Variants in ITCH observed in about 807,000 individuals in gnomAD.
ITCH encodes the protein E3 ubiquitin-protein ligase Itchy homolog.
A neutral mutation model predicts 126.8 loss-of-function variants in ITCH; 28 were observed. The ratio of observed to expected loss-of-function variants is 0.22; its 90% CI spans 0.16 to 0.30. The LOEUF is 0.30. ITCH is among the 10% of genes least tolerant of loss of function. ITCH has a pLI of 1.00. For missense variants in ITCH, 631 were observed against 1,032.4 expected (o/e 0.61, Z 5.33); for synonymous variants, 342 against 340.0 (o/e 1.01, Z -0.06).
intron 3 of ITCH, among the ~76,000 whole-genome samples, chr20:34,394,481 A>T (rs1345451717): frequency 1.3e-5 from 2 of 152,126 alleles, no homozygotes; most frequent in Admixed American, 6.6e-5. Flanking sequence ...TTATTTACTT[A>T]TAACAATGAC....
chr20:34,386,854 G>A (rs1268676134), intron 2 of ITCH, among the ~76,000 whole-genome samples: 1 of 152,106 alleles, frequency 6.6e-6, no homozygotes, highest in Non-Finnish European at 1.5e-5. Context: ...ATCTTCTGAA[G>A]TATGTCTATC....
chr20:34,506,202 G>A (rs752560654), intron 24 of ITCH, among the ~76,000 whole-genome samples: 1 of 152,164 alleles, frequency 6.6e-6, no homozygotes. Flanking sequence ...TAGCTGGGAC[G>A]ACAGGCATGT....
At position 34,386,095 on chromosome 20, in the gene ITCH, G is replaced by GTTTTTTTTTTTGT. The variant is rs542126572; in HGVS notation, c.-21-7692_-21-7680dup. 4.2e-3 allele frequency among the ~76,000 whole-genome samples: 610 copies of GTTTTTTTTTTTGT among 144,724 alleles called. 3 individuals are homozygous for GTTTTTTTTTTTGT. Among genetic ancestry groups the GTTTTTTTTTTTGT allele is most frequent in the African/African-American group, 0.015 (575 of 39,422 alleles). The allele number at this position is 144,724 out of a possible 152,430, so 94.9% of individuals were successfully genotyped here. On this transcript the variant is annotated intron_variant, in intron 2 of 24. Coordinates refer to ENST00000374864, the MANE Select transcript of ITCH (RefSeq NM_031483.7). ...CCCATGCACCAAAGTCGGCTCCTTT[G>GTTTTTTTTTTTGT]TTTTTTTTTTTGTTTTGTTTTGTTT...
chr20:34,408,622 T>C (rs2146145657), intron 3 of ITCH, 29 bp from the exon 4 acceptor site: 1 of 1,583,008 alleles, frequency 6.3e-7, no homozygotes, highest in East Asian at 2.2e-5. Flanking sequence ...ATCTCAACTA[T>C]TGAAATGTTT....
chr20:34,505,926 T>C (rs1990594027), intron 24 of ITCH, among the ~76,000 whole-genome samples: 1 of 152,224 alleles, frequency 6.6e-6, no homozygotes, highest in Admixed American at 6.5e-5. Context: ...GTCTAGCATA[T>C]ACAGTATTTC....
intron 3 of ITCH, among the ~76,000 whole-genome samples, chr20:34,394,849 A>C (rs2038616498): frequency 6.6e-6 from 1 of 152,162 alleles, no homozygotes. Context: ...GGGCTCGAAG[A>C]ATGTACAATG....
intron 11 of ITCH, among the ~76,000 whole-genome samples, chr20:34,446,878 T>C (rs1269028914): frequency 6.6e-6 from 1 of 152,238 alleles, no homozygotes; most frequent in African/African-American, 2.4e-5. Context: ...TCATCAAGAC[T>C]TATTTCCTTT....
intron 1 of ITCH, among the ~76,000 whole-genome samples, chr20:34,368,728 T>C (rs2037511041): frequency 6.6e-6 from 1 of 152,184 alleles, no homozygotes; most frequent in Non-Finnish European, 1.5e-5. Flanking sequence ...CTTTTTTGCT[T>C]CTTTTCAGAA....
chr20:34,464,323 T>C (rs1353484889), intron 14 of ITCH, among the ~76,000 whole-genome samples: 2 of 142,130 alleles, frequency 1.4e-5, no homozygotes, highest in African/African-American at 5.1e-5. Context: ...TCTTTCTTTC[T>C]TTTTTTTTTT....
At chr20:34,456,588 A>G (rs1986020077) in intron 12 of ITCH, among the ~76,000 whole-genome samples, 1 of 145,594 alleles carries the variant, frequency 6.9e-6, no homozygotes, top group Non-Finnish European at 1.5e-5. Flanking sequence ...AGCTGAGATC[A>G]CGCCACTGCA....
chr20:34,419,137 A>T (rs1980394171), intron 6 of ITCH, among the ~76,000 whole-genome samples: 1 of 152,140 alleles, frequency 6.6e-6, no homozygotes, highest in African/African-American at 2.4e-5. Context: ...TGAAGTATTG[A>T]GGCTATGATA....
rs185090968 is a variant in ITCH at position 34,484,323 on chromosome 20, C to A, written c.2093+3117C>A. ...TTTTGCATATTTACTTCTTAAGTTC[C>A]AGGTTCTGCATTTCTTGCCTGGTTT... On this transcript the variant is annotated intron_variant, in intron 20 of 24. Transcript: ENST00000374864. 5.7e-3 allele frequency among the ~76,000 whole-genome samples: 864 copies of A among 152,196 alleles called. 4 individuals are homozygous for A. Among genetic ancestry groups the A allele is most frequent in the Non-Finnish European group, 9.8e-3 (666 of 68,006 alleles).
intron 3 of ITCH, among the ~76,000 whole-genome samples, chr20:34,401,173 A>G (rs1403491423): frequency 6.6e-6 from 1 of 152,054 alleles, no homozygotes; most frequent in African/African-American, 2.4e-5. Flanking sequence ...TTTACCTTGG[A>G]TGTAAGTCTG....
intron 16 of ITCH, among the ~76,000 whole-genome samples, chr20:34,475,569 C>G (rs1264015759): frequency 1.3e-5 from 2 of 152,038 alleles, no homozygotes; most frequent in African/African-American, 4.8e-5. Flanking sequence ...GCAGGAGAAT[C>G]AGGCAGGGAG....
chr20:34,390,983 C>A (rs561769979), intron 2 of ITCH, among the ~76,000 whole-genome samples: 1 of 152,060 alleles, frequency 6.6e-6, no homozygotes, highest in Non-Finnish European at 1.5e-5. Context: ...GAACTCCTGA[C>A]CTCAGGTGAT....
chr20:34,491,099 A>G (rs1020351727), intron 22 of ITCH, among the ~76,000 whole-genome samples: 14 of 152,352 alleles, frequency 9.2e-5, no homozygotes, highest in African/African-American at 3.1e-4. Flanking sequence ...TCGAACCATC[A>G]TAAGTCTAGG....
intron 17 of ITCH, 103 bp downstream of exon 17, chr20:34,477,963 T>G: frequency 1.4e-6 from 2 of 1,446,798 alleles, no homozygotes; most frequent in Non-Finnish European, 1.9e-6. Flanking sequence ...TTTAGGAAAA[T>G]GAAATATGTC....
intron 1 of ITCH, 30 bp from the exon 2 acceptor site, chr20:34,369,364 T>C: frequency 2.5e-6 from 1 of 398,770 alleles, no homozygotes; most frequent in Non-Finnish European, 4.4e-6. Flanking sequence ...ATAGAAGTAA[T>C]GTGTTAATGG....
chr20:34,434,868 T>C (rs970800593), intron 7 of ITCH, among the ~76,000 whole-genome samples: 2 of 152,222 alleles, frequency 1.3e-5, no homozygotes, highest in African/African-American at 4.8e-5. Context: ...GTAGCCAATG[T>C]TGGCTTGGTC....
Sources: allele counts gnomAD v4.1 joint callset (sites outside exome capture counted in the v4.1 genomes callset), GRCh38; gene constraint gnomAD v4.1.1; transcripts MANE v1.5; gene names NCBI Gene and HGNC (gene_info 2026-07-23, HGNC 2026-07-21).